Variants in GNS observed in about 807,000 individuals in gnomAD.
GNS encodes the protein N-acetylglucosamine-6-sulfatase.
GNS carries 40 observed loss-of-function variants against 69.7 expected under a neutral mutation model. The ratio of observed to expected loss-of-function variants is 0.57; its 90% CI spans 0.45 to 0.75. The LOEUF is 0.75. Among genes scored for constraint, GNS ranks in the 30% least tolerant of loss-of-function variants. The pLI is 0.00. For missense variants in GNS, 565 were observed against 685.5 expected (o/e 0.82, Z 1.96); for synonymous variants, 243 against 251.6 (o/e 0.97, Z 0.32).
At position 64,716,533 on chromosome 12, in the gene GNS, C is replaced by T; in HGVS notation, c.*208G>A. The T allele has an allele frequency of 3.2e-6, 2 of 618,138 alleles. No homozygotes were observed. Among genetic ancestry groups the T allele is most frequent in the East Asian group, 2.9e-5 (1 of 34,630 alleles). The allele number at this position is 618,138 out of a possible 1,614,324, so 38.3% of individuals were successfully genotyped here. Reference sequence around the variant, plus strand: ...GTCAGCTAAAGGAAGAGACCAGAGACAGCCACTCCTGACACATGGGCAGAG... The same window carrying T: ...GTCAGCTAAAGGAAGAGACCAGAGATAGCCACTCCTGACACATGGGCAGAG... On this transcript the variant is annotated 3_prime_UTR_variant, in exon 14 of 14. Coordinates refer to ENST00000258145, the MANE Select transcript of GNS (RefSeq NM_002076.4).
At chr12:64,729,942 C>T (rs1382678689) in intron 9 of GNS, among the ~76,000 whole-genome samples, 1 of 152,102 alleles carries the variant, frequency 6.6e-6, no homozygotes, top group Non-Finnish European at 1.5e-5. Flanking sequence ...GTGAACCAAG[C>T]CTTTGAAATC....
chr12:64,748,214 T>A (rs919551412), intron 2 of GNS, among the ~76,000 whole-genome samples: 1 of 152,004 alleles, frequency 6.6e-6, no homozygotes, highest in South Asian at 2.1e-4. Context: ...TTTTTTTTTT[T>A]CTTTTGAGGC....
intron 10 of GNS, 54 bp downstream of exon 10, chr12:64,728,902 A>G (rs924480633): frequency 1.2e-6 from 1 of 844,152 alleles, no homozygotes; most frequent in African/African-American, 1.7e-5. Context: ...TCTTTACACA[A>G]CCCAGAATTT....
At chr12:64,719,945 G>A in intron 13 of GNS, 77 bp downstream of exon 13, 1 of 918,960 alleles carries the variant, frequency 1.1e-6, no homozygotes, top group Non-Finnish European at 1.8e-6. Context: ...ACAGCAAAAA[G>A]GGCTCCCTTT....
rs912847141 is a variant in GNS at position 64,759,389 on chromosome 12, C to G, written c.-113G>C. ...GAATAAAAAGCCGTGCCTTGAAGGC[C>G]GGTGGCTGGAGTCAGACGTTTTCTC... On this transcript the variant is annotated 5_prime_UTR_variant, in exon 1 of 14. Transcript: ENST00000258145. The G allele has an allele frequency of 1.8e-5, 13 of 716,310 alleles. No individual in the cohort carries two copies. Among genetic ancestry groups the G allele is most frequent in the South Asian group, 3.8e-5 (2 of 52,014 alleles). The allele number at this position is 716,310 out of a possible 1,614,324, so 44.4% of individuals were successfully genotyped here.
chr12:64,721,365 G>A (rs1479876874), intron 12 of GNS, among the ~76,000 whole-genome samples: 2 of 152,226 alleles, frequency 1.3e-5, no homozygotes, highest in Non-Finnish European at 2.9e-5. Context: ...TGCATTTAAA[G>A]TGTATATTTG....
chr12:64,759,134 T>G lies in GNS; in HGVS notation c.143A>C (p.Asn48Thr). 6.4e-7 allele frequency: 1 copy of G among 1,561,410 alleles called. No homozygotes were observed. The highest frequency in any genetic ancestry group is 8.7e-7 in the Non-Finnish European group (1 of 1,153,078). Residue 48 changes from asparagine to threonine, a missense_variant, in exon 1 of 14, where the codon AAC (asparagine) becomes ACC (threonine). Asn to Thr is a moderately conservative substitution (Grantham distance 65, BLOSUM62 0). Coordinates refer to ENST00000258145, the MANE Select transcript of GNS (RefSeq NM_002076.4). ...FGVAAGTRRP[N>T]VVLLLTDDQD... is the part of the protein sequence containing the mutation. ...GTCGTCCGTGAGGAGCAGCACCACG[T>G]TGGGCCTCCGGGTTCCCGCAGCCAC...
At chr12:64,751,415 A>T (rs1481802202) in intron 2 of GNS, among the ~76,000 whole-genome samples, 1 of 152,206 alleles carries the variant, frequency 6.6e-6, no homozygotes, top group Non-Finnish European at 1.5e-5. Flanking sequence ...TCTTATTTCC[A>T]TAAGACTTAT....
chr12:64,759,043 A>G (rs1230254419), intron 1 of GNS, 42 bp downstream of exon 1: 4 of 1,472,282 alleles, frequency 2.7e-6, no homozygotes, highest in Non-Finnish European at 1.9e-6. Context: ...CCGGGTAGTC[A>G]GCCCAAGAGA....
intron 3 of GNS, 113 bp from the exon 4 acceptor site, chr12:64,745,837 C>T: frequency 1.4e-6 from 1 of 735,692 alleles, no homozygotes. Flanking sequence ...TAGTAGGTAC[C>T]TAATTTCCCC....
chr12:64,727,032 G>A (rs1169961455), intron 10 of GNS, among the ~76,000 whole-genome samples: 1 of 151,894 alleles, frequency 6.6e-6, no homozygotes, highest in African/African-American at 2.4e-5. Context: ...CCAATAGTCA[G>A]CAGGGAAATA....
In GNS at chr12:64,714,023, G is replaced by C. The variant is rs1868787317; in HGVS notation, c.*2718C>G. ...AGGCGCCTGTAATCTCAGCTACTTGGGAGGCTGAGGCAGGAGAACTGCTGG... is the reference window on the plus strand; with the variant it reads ...AGGCGCCTGTAATCTCAGCTACTTGCGAGGCTGAGGCAGGAGAACTGCTGG... On this transcript the variant is annotated 3_prime_UTR_variant, in exon 14 of 14. Coordinates refer to ENST00000258145, the MANE Select transcript of GNS (RefSeq NM_002076.4). 1.3e-5 allele frequency: 2 copies of C among 152,146 alleles called. No individual in the cohort carries two copies. Among genetic ancestry groups the C allele is most frequent in the African/African-American group, 4.8e-5 (2 of 41,424 alleles). 9.4% of individuals were successfully genotyped at this position (152,146 alleles called of 1,614,324 possible).
intron 1 of GNS, among the ~76,000 whole-genome samples, chr12:64,756,141 G>A (rs568431986): frequency 2.2e-4 from 33 of 152,298 alleles, no homozygotes; most frequent in African/African-American, 7.7e-4. Context: ...TGTTAAAGAC[G>A]ATGCTACTAT....
At chr12:64,745,566 C>T (rs1869873426) in intron 4 of GNS, 93 bp downstream of exon 4, 3 of 865,468 alleles carry the variant, frequency 3.5e-6, no homozygotes, top group Admixed American at 3.4e-5. Flanking sequence ...ATTGTAAAAG[C>T]AAATAAAGTT....
At chr12:64,741,310 T>C (rs929388790) in intron 6 of GNS, among the ~76,000 whole-genome samples, 2 of 149,820 alleles carry the variant, frequency 1.3e-5, no homozygotes, top group South Asian at 4.6e-4. Flanking sequence ...ATCGCACTAC[T>C]ACACTCCAGC....
At chr12:64,716,855 A>C in intron 13 of GNS, 36 bp from the exon 14 acceptor site, 1 of 1,248,042 alleles carries the variant, frequency 8.0e-7, no homozygotes, top group Non-Finnish European at 1.2e-6. Flanking sequence ...ATTAGCTCTC[A>C]CTAGCTTCTC....
In GNS at chr12:64,730,230, T is replaced by C. The variant is rs553983712; in HGVS notation, c.1099-1173A>G. Reference sequence around the variant, plus strand: ...GACACAGTGTTTATAGGTGAAGAAATGAAACACAAATCACTGAAGCAAAGT... The same window carrying C: ...GACACAGTGTTTATAGGTGAAGAAACGAAACACAAATCACTGAAGCAAAGT... On this transcript the variant is annotated intron_variant, in intron 9 of 13. Transcript: ENST00000258145. Among the ~76,000 whole-genome samples, 102 of 152,142 alleles carry C rather than the reference T, an allele frequency of 6.7e-4. 3 individuals are homozygous for C. In the South Asian group the frequency reaches 0.02, roughly 30 times the overall value.
chr12:64,738,837 CAAT>C (rs373081747), intron 8 of GNS, among the ~76,000 whole-genome samples: 85 of 151,220 alleles, frequency 5.6e-4, no homozygotes, highest in African/African-American at 2.0e-3. Flanking sequence ...AAAAAAATCA[CAAT>C]AATGCATTAA....
chr12:64,747,616 A>G, intron 3 of GNS, 96 bp downstream of exon 3: 1 of 784,548 alleles, frequency 1.3e-6, no homozygotes, highest in South Asian at 1.5e-5. Flanking sequence ...GTATACCAAG[A>G]AATCCTTTAA....
Sources: gnomAD v4.1 joint callset for allele counts (sites outside exome capture counted in the v4.1 genomes callset) on GRCh38, gnomAD v4.1.1 for gene constraint, MANE v1.5 for transcripts, NCBI Gene and HGNC (gene_info 2026-07-23, HGNC 2026-07-21) for gene names.